SLC17A2: variants seen among roughly 807,000 people sequenced by gnomAD.
SLC17A2 encodes solute carrier family 17 member 2.
In SLC17A2, 38 loss-of-function variants were observed where a neutral mutation model predicts 52.1. The ratio of observed to expected loss-of-function variants is 0.73; its 90% CI spans 0.56 to 0.96. The LOEUF is 0.96. SLC17A2 is among the 40% of genes least tolerant of loss of function. The pLI is 0.00. For missense variants in SLC17A2, 508 were observed against 583.9 expected (o/e 0.87, Z 1.34); for synonymous variants, 226 against 211.9 (o/e 1.07, Z -0.58).
intron 2 of SLC17A2, 60 bp downstream of exon 2, chr6:25,925,709 A>T (rs1561882636): frequency 6.9e-7 from 1 of 1,454,266 alleles, no homozygotes. Context: ...AGATGTGTAA[A>T]TGTGTCGGAA....
At chr6:25,924,030 C>A in intron 2 of SLC17A2, 124 bp from the exon 3 acceptor site, 1 of 744,018 alleles carries the variant, frequency 1.3e-6, no homozygotes, top group Non-Finnish European at 2.2e-6. Context: ...CTTTTTTTCA[C>A]CAAAATAGCC....
At chr6:25,929,719 A>G (rs1323912598) in intron 1 of SLC17A2, among the ~76,000 whole-genome samples, 1 of 152,176 alleles carries the variant, frequency 6.6e-6, no homozygotes, top group African/African-American at 2.4e-5. Flanking sequence ...AATGAGGGCA[A>G]CAAGCTAGGT....
intron 11 of SLC17A2, among the ~76,000 whole-genome samples, chr6:25,913,706 C>T (rs1766188210): frequency 1.3e-5 from 2 of 151,632 alleles, no homozygotes; most frequent in Admixed American, 1.3e-4. Flanking sequence ...TGGATTTCAA[C>T]ATATAATATT....
At chr6:25,920,445 T>C (rs1010513833) in intron 5 of SLC17A2, among the ~76,000 whole-genome samples, 1 of 152,196 alleles carries the variant, frequency 6.6e-6, no homozygotes, top group Non-Finnish European at 1.5e-5. Flanking sequence ...GCTATTTGTA[T>C]TTGGGCAATT....
intron 5 of SLC17A2, among the ~76,000 whole-genome samples, chr6:25,919,479 G>A (rs1037787222): frequency 2.6e-5 from 4 of 151,748 alleles, no homozygotes; most frequent in Admixed American, 1.3e-4. Flanking sequence ...AGGCCGAGGC[G>A]GGCGGATCAC....
chr6:25,920,226 C>T (rs1390927824), intron 5 of SLC17A2, among the ~76,000 whole-genome samples: 1 of 152,082 alleles, frequency 6.6e-6, no homozygotes, highest in Non-Finnish European at 1.5e-5. Flanking sequence ...GTGTAGTGGA[C>T]CTAGGAGTGA....
chr6:25,913,338 C>T lies in SLC17A2; in HGVS notation c.1416G>A (p.Glu472=), dbSNP rs1274549214. Residue 472 remains glutamate, a synonymous_variant, in exon 12 of 12, where the codon GAG becomes GAA. Transcript: ENST00000377850. ...GQAELQDWAK[E]RTLTRL is the part of the protein sequence containing the mutation. The stretch of plus-strand genomic sequence containing the variant: ...GTCCTCAGAGGCGGGTAAGGGTCCT[C>T]TCTTTGGCCCAGTCTTGAAGTTCTG... 2 of 1,614,144 alleles carry T rather than the reference C, an allele frequency of 1.2e-6. No homozygotes were observed. The highest frequency in any genetic ancestry group is 3.3e-5 in the Admixed American group (2 of 60,022).
At position 25,930,520 on chromosome 6, in the gene SLC17A2, A is replaced by G. The variant is rs1000144806; in HGVS notation, c.-327T>C. 1.3e-5 allele frequency: 2 copies of G among 152,192 alleles called. No homozygotes were observed. Among genetic ancestry groups the G allele is most frequent in the African/African-American group, 4.8e-5 (2 of 41,440 alleles). The allele number at this position is 152,192 out of a possible 1,614,324, so 9.4% of individuals were successfully genotyped here. On this transcript the variant is annotated 5_prime_UTR_variant, in exon 1 of 12. Transcript: ENST00000377850. Reference sequence around the variant, plus strand: ...AAGTTAGTAATAATCCTTCTACCCAAAAAGAAGAAAAGCACTTACCTTCAC... The same window carrying G: ...AAGTTAGTAATAATCCTTCTACCCAGAAAGAAGAAAAGCACTTACCTTCAC...
intron 3 of SLC17A2, 83 bp downstream of exon 3, chr6:25,923,612 C>T: frequency 9.6e-7 from 1 of 1,037,388 alleles, no homozygotes; most frequent in East Asian, 2.4e-5. Context: ...ATGTATACTT[C>T]CATACTCCAC....
chr6:25,923,614 A>C (rs1278265485), intron 3 of SLC17A2, 81 bp downstream of exon 3: 2 of 1,059,548 alleles, frequency 1.9e-6, no homozygotes, highest in African/African-American at 3.1e-5. Context: ...GTATACTTCC[A>C]TACTCCACAG....
chr6:25,919,696 T>A (rs1766470708), intron 5 of SLC17A2, among the ~76,000 whole-genome samples: 1 of 31,238 alleles, frequency 3.2e-5, no homozygotes, highest in Non-Finnish European at 5.7e-5. Flanking sequence ...TGAGACACCG[T>A]CTCAAAAAAA....
chr6:25,926,292 C>T (rs1437043413), intron 1 of SLC17A2, among the ~76,000 whole-genome samples: 3 of 152,136 alleles, frequency 2.0e-5, no homozygotes, highest in Admixed American at 6.5e-5. Flanking sequence ...GGTTCCAGAG[C>T]GGTCTTTCCT....
Position 25,921,429 on chromosome 6 carries a change from A to G in SLC17A2, c.241-17T>C. 6.3e-7 allele frequency: 1 copy of G among 1,575,728 alleles called. No individual in the cohort carries two copies. The highest frequency in any genetic ancestry group is 8.7e-7 in the Non-Finnish European group (1 of 1,147,026). ...CACAGAGGCCTGGGGGAAAAATAGG[A>G]AAACTCTTTGTCAAGAAGTCCTATT... On this transcript the variant is annotated splice_polypyrimidine_tract_variant and intron_variant, in intron 3 of 11. Coordinates refer to ENST00000377850, the MANE Select transcript of SLC17A2 (RefSeq NM_001286123.3).
intron 11 of SLC17A2, among the ~76,000 whole-genome samples, chr6:25,913,681 G>A (rs1355945902): frequency 6.6e-6 from 1 of 151,736 alleles, no homozygotes; most frequent in African/African-American, 2.4e-5. Context: ...ATACACTAAT[G>A]TTTTTCTGAA....
chr6:25,917,051 G>A lies in SLC17A2; in HGVS notation c.686C>T (p.Thr229Ile). 6.2e-7 allele frequency: 1 copy of A among 1,614,150 alleles called. No homozygotes were observed. The highest frequency in any genetic ancestry group is 8.5e-7 in the Non-Finnish European group (1 of 1,180,000). ...ATGCATGGGGTCATCATAAATCACTGTGAACCATAGGAGACAGCAGACACA... is the reference window on the plus strand; with the variant it reads ...ATGCATGGGGTCATCATAAATCACTATGAACCATAGGAGACAGCAGACACA... ...TGCVCCLLWF[T>I]VIYDDPMHHP... Residue 229 changes from threonine to isoleucine, a missense_variant, in exon 7 of 12, where the codon ACA (threonine) becomes ATA (isoleucine). Transcript: ENST00000377850.
At chr6:25,928,971 T>A (rs547588557) in intron 1 of SLC17A2, among the ~76,000 whole-genome samples, 8 of 152,130 alleles carry the variant, frequency 5.3e-5, no homozygotes, top group African/African-American at 1.9e-4. Context: ...GAGAAAAAAA[T>A]AAATAATGTA....
At chr6:25,926,687 T>C (rs1351592575) in intron 1 of SLC17A2, among the ~76,000 whole-genome samples, 1 of 152,258 alleles carries the variant, frequency 6.6e-6, no homozygotes, top group African/African-American at 2.4e-5. Flanking sequence ...CAATTTTCCA[T>C]TCATTCCTAA....
In SLC17A2 at chr6:25,921,061, C is replaced by A. The variant is rs368222678; in HGVS notation, c.507G>T (p.Trp169Cys). Residue 169 changes from tryptophan (W) to cysteine (C), a missense_variant, in exon 5 of 12, where the codon TGG (tryptophan) becomes TGT (cysteine). By Grantham distance (215) the Trp-to-Cys change is radical. Coordinates refer to ENST00000377850, the MANE Select transcript of SLC17A2 (RefSeq NM_001286123.3). ...GMAWTGQFTI[W>C]AKWAPPLERS... ...GTTCAAGTGGAGGAGCCCACTTTGC[C>A]CAAATAGTAAACTGACCTGTCCATG... The A allele has an allele frequency of 2.5e-6, 4 of 1,614,072 alleles. No homozygotes were observed. The highest frequency in any genetic ancestry group is 3.4e-6 in the Non-Finnish European group (4 of 1,180,004).
chr6:25,919,176 C>T (rs1766442649), intron 5 of SLC17A2, among the ~76,000 whole-genome samples: 1 of 152,094 alleles, frequency 6.6e-6, no homozygotes. Context: ...ACACATATGC[C>T]TCAAACGATG....
Sources: gnomAD v4.1 joint callset for allele counts (sites outside exome capture counted in the v4.1 genomes callset) on GRCh38, gnomAD v4.1.1 for gene constraint, MANE v1.5 for transcripts, NCBI Gene and HGNC (gene_info 2026-07-23, HGNC 2026-07-21) for gene names.